Variants in ALKAL1 observed in about 807,000 individuals in gnomAD.
ALKAL1 encodes AUG-beta.
ALKAL1 carries 23 observed loss-of-function variants against 13.5 expected under a neutral mutation model. That is an observed-to-expected ratio of 1.70 (90% CI 1.23 to 2.41). ALKAL1 has a LOEUF of 2.41. Ranked by LOEUF, ALKAL1 falls within the 30% of genes most tolerant of loss-of-function variation. The pLI, the probability that ALKAL1 is intolerant of heterozygous loss-of-function variation, is 0.00. For missense variants in ALKAL1, 181 were observed against 178.4 expected, an observed-to-expected ratio of 1.01 and a Z score of -0.08; for synonymous variants, 85 against 77.7, an observed-to-expected ratio of 1.09 and a Z score of -0.49.
intron 2 of ALKAL1, among the ~76,000 whole-genome samples, chr8:52,540,512 G>A (rs996287532): frequency 6.6e-6 from 1 of 151,878 alleles, no homozygotes. Flanking sequence ...GATCACTTGA[G>A]CCCAGGAGTT....
intron 1 of ALKAL1, among the ~76,000 whole-genome samples, chr8:52,562,943 C>T (rs548601693): frequency 6.6e-6 from 1 of 152,344 alleles, no homozygotes; most frequent in South Asian, 2.1e-4. Context: ...GATCCATGTG[C>T]AAGTACTCCA....
intron 4 of ALKAL1, among the ~76,000 whole-genome samples, chr8:52,535,961 C>T (rs901194167): frequency 7.3e-5 from 11 of 151,300 alleles, no homozygotes; most frequent in East Asian, 3.9e-4. Context: ...TTTTTTGAGA[C>T]GGAGTCTCGC....
chr8:52,543,699 C>A (rs13259939), intron 1 of ALKAL1, among the ~76,000 whole-genome samples: 114 of 152,274 alleles, frequency 7.5e-4, no homozygotes, highest in Non-Finnish European at 1.4e-3. Context: ...GAACATAGGT[C>A]TTTTCCCCTG....
At chr8:52,549,428 CTATATTAAATATAGTATA>C (rs946192140) in intron 1 of ALKAL1, among the ~76,000 whole-genome samples, 7 of 149,676 alleles carry the variant, frequency 4.7e-5, no homozygotes, top group African/African-American at 4.9e-5. Context: ...AAAAGCTATA[CTATATTAAATATAGTATA>C]TATATTAAAT....
At chr8:52,563,997 T>C (rs1847576264) in intron 1 of ALKAL1, among the ~76,000 whole-genome samples, 1 of 152,244 alleles carries the variant, frequency 6.6e-6, no homozygotes, top group Non-Finnish European at 1.5e-5. Flanking sequence ...TGAATAAGTA[T>C]ATATTTATAT....
chr8:52,557,966 GAAAA>G (rs33973509), intron 1 of ALKAL1, among the ~76,000 whole-genome samples: 1 of 114,146 alleles, frequency 8.8e-6, no homozygotes, highest in African/African-American at 3.4e-5. Context: ...GACTATGTCT[GAAAA>G]AAAAAAAAAA....
rs763025988 is a variant in ALKAL1, at chr8:52,538,522, T to G, written c.326-15A>C. On this transcript the variant is annotated splice_polypyrimidine_tract_variant and intron_variant, in intron 3 of 4. Coordinates refer to ENST00000358543, the MANE Select transcript of ALKAL1 (RefSeq NM_207413.4). Reference sequence around the variant, plus strand: ...TCTTTTGTAATCTAGGAAAAACATTTAAAGGTAAATTATATATAGAGTTAC... The same window carrying G: ...TCTTTTGTAATCTAGGAAAAACATTGAAAGGTAAATTATATATAGAGTTAC... 1 of 1,547,240 alleles carries G rather than the reference T, an allele frequency of 6.5e-7. No homozygotes were observed. The highest frequency in any genetic ancestry group is 2.3e-5 in the East Asian group (1 of 43,846).
At chr8:52,545,250 A>G (rs1392413075) in intron 1 of ALKAL1, among the ~76,000 whole-genome samples, 1 of 152,218 alleles carries the variant, frequency 6.6e-6, no homozygotes, top group African/African-American at 2.4e-5. Context: ...ATAAAAAGCT[A>G]CATACATCCC....
At chr8:52,559,513 T>C (rs180890909) in intron 1 of ALKAL1, among the ~76,000 whole-genome samples, 209 of 152,300 alleles carry the variant, frequency 1.4e-3, no homozygotes, top group African/African-American at 4.2e-3. Context: ...AAAATTCTGA[T>C]GGTCCCAAAA....
intron 1 of ALKAL1, among the ~76,000 whole-genome samples, chr8:52,557,699 A>AT (rs1263803336): frequency 6.6e-6 from 1 of 152,220 alleles, no homozygotes; most frequent in Non-Finnish European, 1.5e-5. Flanking sequence ...GACGTATAAA[A>AT]TATTGGCTGT....
chr8:52,564,348 C>T (rs917679638), intron 1 of ALKAL1, among the ~76,000 whole-genome samples: 1 of 152,214 alleles, frequency 6.6e-6, no homozygotes, highest in African/African-American at 2.4e-5. Context: ...AAGTGCCCGG[C>T]CGCCCCCTCG....
In ALKAL1 at chr8:52,565,299, C is replaced by T; in HGVS notation, c.-43G>A. 7.9e-7 allele frequency: 1 copy of T among 1,259,778 alleles called. No individual in the cohort carries two copies. The highest frequency in any genetic ancestry group is 1.0e-6 in the Non-Finnish European group (1 of 985,018). 78.0% of individuals were successfully genotyped at this position (1,259,778 alleles called of 1,614,324 possible). A position where few individuals can be genotyped will look rare whatever the true frequency, so the allele number is the denominator to read the frequency against. ...AGAGAGCGGGAGACTCCGGGAGGATCCCGACGCAGGTCCGGAGGGTGCGCG... is the reference window on the plus strand; with the variant it reads ...AGAGAGCGGGAGACTCCGGGAGGATTCCGACGCAGGTCCGGAGGGTGCGCG... On this transcript the variant is annotated 5_prime_UTR_variant, in exon 1 of 5. Coordinates refer to ENST00000358543, the MANE Select transcript of ALKAL1 (RefSeq NM_207413.4).
At chr8:52,536,557 G>A (rs1847268597) in intron 4 of ALKAL1, among the ~76,000 whole-genome samples, 2 of 152,076 alleles carry the variant, frequency 1.3e-5, no homozygotes, top group Non-Finnish European at 2.9e-5. Context: ...TAAAGTAATA[G>A]GCTAGAGCAA....
chr8:52,561,358 C>T (rs550354349), intron 1 of ALKAL1, among the ~76,000 whole-genome samples: 7 of 152,148 alleles, frequency 4.6e-5, no homozygotes, highest in South Asian at 2.1e-4. Flanking sequence ...CGCATCTGAA[C>T]GCATAAATAA....
rs540320957 is a variant in ALKAL1, at chr8:52,555,506, G to C, written c.190+9561C>G. ...GTAGCTGAGATAGGCAGCAGATAAT[G>C]AATATATAAATTTAAAGGACAAGGT... On this transcript the variant is annotated intron_variant, in intron 1 of 4. Coordinates refer to ENST00000358543, the MANE Select transcript of ALKAL1 (RefSeq NM_207413.4). Among the ~76,000 whole-genome samples the C allele has an allele frequency of 6.8e-4, 103 of 152,198 alleles. 1 individual carries two copies. Among genetic ancestry groups the C allele is most frequent in the African/African-American group, 2.4e-3 (101 of 41,524 alleles).
intron 1 of ALKAL1, among the ~76,000 whole-genome samples, chr8:52,543,708 T>C (rs1034204055): frequency 6.6e-6 from 1 of 152,216 alleles, no homozygotes; most frequent in Admixed American, 6.5e-5. Flanking sequence ...TCTTTTCCCC[T>C]GTACTTCTCA....
intron 1 of ALKAL1, among the ~76,000 whole-genome samples, chr8:52,560,581 A>T (rs1367704562): frequency 6.6e-6 from 1 of 152,244 alleles, no homozygotes; most frequent in East Asian, 1.9e-4. Context: ...GTGATTGGAA[A>T]GTAGTCTCCT....
chr8:52,565,152 C>T lies in ALKAL1; in HGVS notation c.105G>A (p.Ala35=). The part of the protein sequence containing the change: ...AHGRPRGRRG[A]RVTDKEPKPL... ...GCTTGGGCTCCTTATCCGTGACGCG[C>T]GCTCCCCTGCGCCCCCGGGGCCTCC... is the stretch of plus-strand genomic sequence containing the variant. The change falls in exon 1 of 5, where the codon GCG becomes GCA. Residue 35 remains alanine (A), a synonymous_variant. Coordinates refer to ENST00000358543, the MANE Select transcript of ALKAL1 (RefSeq NM_207413.4). 1.4e-6 allele frequency: 2 copies of T among 1,395,356 alleles called. No homozygotes were observed. Among genetic ancestry groups the T allele is most frequent in the Non-Finnish European group, 1.9e-6 (2 of 1,066,114 alleles). 86.4% of individuals were successfully genotyped at this position (1,395,356 alleles called of 1,614,324 possible).
intron 1 of ALKAL1, among the ~76,000 whole-genome samples, chr8:52,555,506 G>A (rs540320957): frequency 6.6e-6 from 1 of 152,080 alleles, no homozygotes; most frequent in South Asian, 2.1e-4. Context: ...AGCAGATAAT[G>A]AATATATAAA....
Sources: allele counts gnomAD v4.1 joint callset (sites outside exome capture counted in the v4.1 genomes callset), GRCh38; gene constraint gnomAD v4.1.1; transcripts MANE v1.5; gene names NCBI Gene and HGNC (gene_info 2026-07-23, HGNC 2026-07-21).